SMTNL2: variants seen among roughly 807,000 people sequenced by gnomAD.
SMTNL2 encodes smoothelin like 2.
A neutral mutation model predicts 44.1 loss-of-function variants in SMTNL2; 43 were observed. That is an observed-to-expected ratio of 0.98 (90% CI 0.76 to 1.26). SMTNL2 has a LOEUF of 1.26. Among genes scored for constraint, SMTNL2 ranks in the 50% most tolerant of loss-of-function variants. The pLI is 0.00. For synonymous variants in SMTNL2, 317 were observed against 287.6 expected (o/e 1.10, Z -1.03); for missense variants, 646 against 670.2 (o/e 0.96, Z 0.40).
In SMTNL2 at chr17:4,595,331, C is replaced by T. The variant is rs539059151; in HGVS notation, c.989+4C>T. ...AGCAGGAAACGGCGGCCGGCAAGTA[C>T]GGATGCCCACTCACAGACAGGCCCG... On this transcript the variant is annotated splice_donor_region_variant and intron_variant, in intron 5 of 7. Transcript: ENST00000389313. The surrounding 1 kb of genome is among the most constrained non-coding windows in gnomAD (Gnocchi z 5.1). 2.7e-5 allele frequency: 43 copies of T among 1,611,222 alleles called. No homozygotes were observed. The South Asian group carries it at 3.5e-4, about 13-fold the overall frequency.
At chr17:4,593,346 C>G (rs1909662539) in intron 3 of SMTNL2, among the ~76,000 whole-genome samples, 175 bp downstream of exon 3, 1 of 152,264 alleles carries the variant, frequency 6.6e-6, no homozygotes. Context: ...GGGCTACTGC[C>G]CAGAGATGCT....
At position 4,584,543 on chromosome 17, in the gene SMTNL2, G is replaced by C; in HGVS notation, c.-63G>C. The stretch of plus-strand genomic sequence containing the variant: ...CACGGACGGCCAGTCGCGGCCCGGA[G>C]CTGCGGAGCTCGGATCTTCTCCCCC... On this transcript the variant is annotated 5_prime_UTR_variant, in exon 1 of 8. Coordinates refer to ENST00000389313, the MANE Select transcript of SMTNL2 (RefSeq NM_001114974.2). 8.2e-7 allele frequency: 1 copy of C among 1,212,972 alleles called. No homozygotes were observed. The highest frequency in any genetic ancestry group is 1.0e-6 in the Non-Finnish European group (1 of 975,608). 75.1% of individuals were successfully genotyped at this position (1,212,972 alleles called of 1,614,324 possible).
chr17:4,598,824 T>TAAAA lies in SMTNL2; in HGVS notation c.1259+1513_1259+1516dup, dbSNP rs34958438. Among the ~76,000 whole-genome samples the TAAAA allele has an allele frequency of 7.2e-6, 1 of 138,798 alleles. No homozygotes were observed. Among genetic ancestry groups the TAAAA allele is most frequent in the Non-Finnish European group, 1.6e-5 (1 of 63,486 alleles). 91.1% of individuals were successfully genotyped at this position (138,798 alleles called of 152,430 possible). A position where few individuals can be genotyped will look rare whatever the true frequency, so the allele number is the denominator to read the frequency against. On this transcript the variant is annotated intron_variant, in intron 7 of 7. Coordinates refer to ENST00000389313, the MANE Select transcript of SMTNL2 (RefSeq NM_001114974.2). The surrounding 1 kb of genome is among the most constrained non-coding windows in gnomAD (Gnocchi z 4.8). ...GGGTGGCAGAGTGAGACGCCATCTC[T>TAAAA]AAAAAAAAAAAAAAAGTGGTCCTCA... is the stretch of plus-strand genomic sequence containing the variant.
At chr17:4,596,491 G>C (rs1292276916) in intron 5 of SMTNL2, among the ~76,000 whole-genome samples, 1 of 152,250 alleles carries the variant, frequency 6.6e-6, no homozygotes, top group Non-Finnish European at 1.5e-5. Context: ...GTGGGAGGAA[G>C]GAGCTGGGAA....
In SMTNL2 at chr17:4,592,851, C is replaced by T; in HGVS notation, c.488-78C>T. 2 of 1,542,774 alleles carry T rather than the reference C, an allele frequency of 1.3e-6. No individual in the cohort carries two copies. The highest frequency in any genetic ancestry group is 1.8e-6 in the Non-Finnish European group (2 of 1,141,580). On this transcript the variant is annotated intron_variant, in intron 2 of 7. Transcript: ENST00000389313. The surrounding 1 kb of genome is among the most constrained non-coding windows in gnomAD (Gnocchi z 4.5). ...GAGGTGGGAGGAGGGCCCAGGGAGG[C>T]TAGAGCCCTCCTGGGAGGTCCCAGG... is the stretch of plus-strand genomic sequence containing the variant.
chr17:4,607,040 G>A lies in SMTNL2; in HGVS notation c.1260-321G>A, dbSNP rs930735256. ...ATCGAGGCTGCAATAAGCTAGGATCGTGCCTCTGTACTCATGCCTGGGCAA... is the reference window on the plus strand; with the variant it reads ...ATCGAGGCTGCAATAAGCTAGGATCATGCCTCTGTACTCATGCCTGGGCAA... On this transcript the variant is annotated intron_variant, in intron 7 of 7. Coordinates refer to ENST00000389313, the MANE Select transcript of SMTNL2 (RefSeq NM_001114974.2). This position sits in a 1 kb window ranked among gnomAD's most constrained non-coding sequence, Gnocchi z 4.7. Among the ~76,000 whole-genome samples the A allele has an allele frequency of 5.3e-5, 8 of 152,176 alleles. No homozygotes were observed. In the South Asian group the frequency reaches 1.0e-3, roughly 20 times the overall value.
At chr17:4,587,830 G>A (rs1415813383) in intron 1 of SMTNL2, among the ~76,000 whole-genome samples, 1 of 152,258 alleles carries the variant, frequency 6.6e-6, no homozygotes, top group Admixed American at 6.5e-5. Flanking sequence ...GTCTGGCTGG[G>A]AGCAGGGAGC....
chr17:4,606,941 T>C (rs1910303614), intron 7 of SMTNL2, among the ~76,000 whole-genome samples: 1 of 151,856 alleles, frequency 6.6e-6, no homozygotes, highest in South Asian at 2.1e-4. Flanking sequence ...AACAACTAGC[T>C]GGGCATGGTG....
At position 4,584,844 on chromosome 17, in the gene SMTNL2, A is replaced by G; in HGVS notation, c.239A>G (p.Gln80Arg). 7 of 1,328,778 alleles carry G rather than the reference A, an allele frequency of 5.3e-6. No individual in the cohort carries two copies. Among genetic ancestry groups the G allele is most frequent in the Non-Finnish European group, 6.7e-6 (7 of 1,039,798 alleles). 82.3% of individuals were successfully genotyped at this position (1,328,778 alleles called of 1,614,324 possible). ...GCGCAGCTCGAGCGCCTGACGCGCC[A>G]GGTGGAGGCGCTGGGCTTGGCCAGC... ...LQAQLERLTR[Q>R]VEALGLASGM... The change falls in exon 1 of 8, where the codon CAG becomes CGG. Residue 80 changes from glutamine (Q) to arginine (R), a missense_variant. Gln to Arg is a conservative substitution (Grantham distance 43). Transcript: ENST00000389313.
rs763990221 is a variant in SMTNL2, at chr17:4,607,893, G to GT, written c.*412dup. ...GTTTTTTTTTATCAAAATACCCAGAGTTTTTTACTTCCTCACGCGATTGTA... is the reference window on the plus strand; with the variant it reads ...GTTTTTTTTTATCAAAATACCCAGAGTTTTTTTACTTCCTCACGCGATTGTA... On this transcript the variant is annotated 3_prime_UTR_variant, in exon 8 of 8. Transcript: ENST00000389313. This position sits in a 1 kb window ranked among gnomAD's most constrained non-coding sequence, Gnocchi z 4.7. 1 of 155,454 alleles carries GT rather than the reference G, an allele frequency of 6.4e-6. No individual in the cohort carries two copies. Among genetic ancestry groups the GT allele is most frequent in the Admixed American group, 6.5e-5 (1 of 15,406 alleles). 9.6% of individuals were successfully genotyped at this position (155,454 alleles called of 1,614,324 possible).
chr17:4,586,467 A>G (rs1489488407), intron 1 of SMTNL2, among the ~76,000 whole-genome samples: 1 of 151,908 alleles, frequency 6.6e-6, no homozygotes, highest in Admixed American at 6.6e-5. Flanking sequence ...ATTAAAAAAA[A>G]AAATGTCAGG....
chr17:4,597,247 C>A lies in SMTNL2; in HGVS notation c.1183C>A (p.Pro395Thr). The A allele has an allele frequency of 6.2e-7, 1 of 1,614,194 alleles. No individual in the cohort carries two copies. Among genetic ancestry groups the A allele is most frequent in the South Asian group, 1.1e-5 (1 of 91,088 alleles). The change falls in exon 7 of 8, where the codon CCC becomes ACC. Residue 395 changes from proline (P) to threonine (T), a missense_variant. Coordinates refer to ENST00000389313, the MANE Select transcript of SMTNL2 (RefSeq NM_001114974.2). Reference sequence around the variant, plus strand: ...CTGCGCCCTGGTACACTCCTTCTTCCCCGATGCCTTTGACTACAACTCCCT... The same window carrying A: ...CTGCGCCCTGGTACACTCCTTCTTCACCGATGCCTTTGACTACAACTCCCT... ...AFCALVHSFF[P>T]DAFDYNSLSP...
rs2150527733 is a variant in SMTNL2 at position 4,607,132 on chromosome 17, C to T, written c.1260-229C>T. 6.6e-6 allele frequency among the ~76,000 whole-genome samples: 1 copy of T among 152,150 alleles called. No homozygotes were observed. The highest frequency in any genetic ancestry group is 2.1e-4 in the South Asian group (1 of 4,816). ...TAAAGTAAGTCTGTTTAAATGAAAA[C>T]ATGAATTGTACAGGTGGCTCATAAA... is the stretch of plus-strand genomic sequence containing the variant. On this transcript the variant is annotated intron_variant, in intron 7 of 7. Transcript: ENST00000389313. This position sits in a 1 kb window ranked among gnomAD's most constrained non-coding sequence, Gnocchi z 4.7.
chr17:4,594,169 C>A (rs1909704580), intron 4 of SMTNL2, among the ~76,000 whole-genome samples: 1 of 152,076 alleles, frequency 6.6e-6, no homozygotes, highest in Non-Finnish European at 1.5e-5. Flanking sequence ...GGAGGAGTGG[C>A]CGGGCGCGGT....
intron 1 of SMTNL2, among the ~76,000 whole-genome samples, chr17:4,590,257 G>A (rs371169949): frequency 8.9e-4 from 136 of 152,108 alleles, no homozygotes; most frequent in East Asian, 1.6e-3. Context: ...GTGAGCCACC[G>A]CGCCTGGCCC....
chr17:4,584,764 CG>C lies in SMTNL2; in HGVS notation c.161del (p.Gly54AlafsTer24). 7.6e-7 allele frequency: 1 copy of C among 1,308,146 alleles called. No individual in the cohort carries two copies. The highest frequency in any genetic ancestry group is 9.7e-7 in the Non-Finnish European group (1 of 1,031,942). The allele number at this position is 1,308,146 out of a possible 1,614,324, so 81.0% of individuals were successfully genotyped here. ...RRVAEAMRLA[G>X]PLARTVADLQ... is the part of the protein sequence containing the mutation. ...GAGTGGCAGAGGCGATGCGCCTGGC[CG>C]GCCCCCTGGCGCGCACGGTGGCCGA... On this transcript the variant is annotated frameshift_variant, in exon 1 of 8. Transcript: ENST00000389313. LOFTEE classifies it high-confidence loss of function.
chr17:4,600,696 C>T lies in SMTNL2; in HGVS notation c.1259+3373C>T, dbSNP rs1051477867. Among the ~76,000 whole-genome samples the T allele has an allele frequency of 6.6e-6, 1 of 152,130 alleles. No individual in the cohort carries two copies. The highest frequency in any genetic ancestry group is 1.5e-5 in the Non-Finnish European group (1 of 68,010). On this transcript the variant is annotated intron_variant, in intron 7 of 7. Transcript: ENST00000389313. The surrounding 1 kb of genome is among the most constrained non-coding windows in gnomAD (Gnocchi z 4.7). ...TTCAGGGTCTGGAACGAGGGAGGAC[C>T]GGCCCCTTTTATGGAAGGGGCTGAG...
rs199972238 is a variant in SMTNL2, at chr17:4,592,960, A to G, written c.519A>G (p.Gln173=). Residue 173 remains glutamine (Q), a synonymous_variant, in exon 3 of 8, where the codon CAA becomes CAG. Transcript: ENST00000389313. The surrounding 1 kb of genome is among the most constrained non-coding windows in gnomAD (Gnocchi z 4.5). ...GCGATGGACCCCCTGAGATTGCCCA[A>G]AACTTCTCAGCACCAGATCCCCCCA... ...GPGDGPPEIA[Q]NFSAPDPPRP... is the part of the protein sequence containing the mutation. The G allele has an allele frequency of 5.0e-6, 8 of 1,613,848 alleles. No homozygotes were observed. In the East Asian group the frequency reaches 1.6e-4, roughly 31 times the overall value.
chr17:4,601,916 G>A (rs991939781), intron 7 of SMTNL2, among the ~76,000 whole-genome samples: 5 of 151,854 alleles, frequency 3.3e-5, no homozygotes, highest in Non-Finnish European at 7.4e-5. Context: ...AATATTTGGA[G>A]ACTCAAACAT....
Sources: allele counts gnomAD v4.1 joint callset (sites outside exome capture counted in the v4.1 genomes callset), GRCh38; gene constraint gnomAD v4.1.1; non-coding constraint Gnocchi (gnomAD v3.1); transcripts MANE v1.5; gene names NCBI Gene and HGNC (gene_info 2026-07-23, HGNC 2026-07-21).